Variants in ZNF484 observed in about 807,000 individuals in gnomAD.
The protein encoded by ZNF484 is KRAB box containing C2H2 type zinc finger bA526D8.4.
A neutral mutation model predicts 12.9 loss-of-function variants in ZNF484; 11 were observed. That is an observed-to-expected ratio of 0.85 (90% CI 0.54 to 1.41). The LOEUF (loss-of-function observed/expected upper bound fraction) is 1.41. Among genes scored for constraint, ZNF484 ranks in the 40% most tolerant of loss-of-function variants. The pLI is 0.00. For synonymous variants in ZNF484, 289 were observed against 334.1 expected, an observed-to-expected ratio of 0.86 and a Z score of 1.47; for missense variants, 807 against 1,007.7, an observed-to-expected ratio of 0.80 and a Z score of 2.70.
intron 2 of ZNF484, among the ~76,000 whole-genome samples, chr9:92,863,010 T>G (rs9696821): frequency 0.019 from 2,898 of 152,224 alleles, 83 homozygotes; most frequent in African/African-American, 0.063. Context: ...AGACATGGAA[T>G]CAACCCAAAT....
At chr9:92,860,117 T>C (rs912496681) in intron 2 of ZNF484, among the ~76,000 whole-genome samples, 3 of 152,158 alleles carry the variant, frequency 2.0e-5, no homozygotes, top group African/African-American at 7.2e-5. Flanking sequence ...TACCCCACTA[T>C]AAACCACATG....
At chr9:92,875,646 G>C (rs5003738) in intron 1 of ZNF484, among the ~76,000 whole-genome samples, 77,295 of 151,876 alleles carry the variant, frequency 0.51, 20,818 homozygotes, top group African/African-American at 0.7. Context: ...TATGACTACC[G>C]ATCATGCATC....
chr9:92,848,579 A>T lies in ZNF484; in HGVS notation c.236-28T>A. The T allele has an allele frequency of 6.5e-7, 1 of 1,534,134 alleles. No individual in the cohort carries two copies. The highest frequency in any genetic ancestry group is 1.4e-5 in the African/African-American group (1 of 71,956). On this transcript the variant is annotated intron_variant, in intron 4 of 4. Transcript: ENST00000375495. This position sits in a 1 kb window ranked among gnomAD's most constrained non-coding sequence, Gnocchi z 4.1. Reference sequence around the variant, plus strand: ...AAAAAAGAAAGAAAAGATAAGACTGACAAAAAGAACAATTAACAGAAAATA... The same window carrying T: ...AAAAAAGAAAGAAAAGATAAGACTGTCAAAAAGAACAATTAACAGAAAATA...
At chr9:92,857,278 C>G (rs1856523001) in intron 2 of ZNF484, among the ~76,000 whole-genome samples, 2 of 152,168 alleles carry the variant, frequency 1.3e-5, no homozygotes, top group Admixed American at 6.5e-5. Context: ...TATTCAGTCA[C>G]TCTGACAGTG....
intron 4 of ZNF484, among the ~76,000 whole-genome samples, chr9:92,849,550 CTGAGATGAGAGGATTGCT>C (rs1855932959): frequency 1.3e-5 from 2 of 152,098 alleles, no homozygotes. Flanking sequence ...CTGTGGGAGG[CTGAGATGAGAGGATTGCT>C]TGAGCCCAGG....
At chr9:92,876,113 CA>C (rs1285917680) in intron 1 of ZNF484, among the ~76,000 whole-genome samples, 3 of 151,816 alleles carry the variant, frequency 2.0e-5, no homozygotes, top group Non-Finnish European at 4.4e-5. Flanking sequence ...TATTGTTTAG[CA>C]ATAATTCTTG....
At chr9:92,853,962 G>C (rs1856270406) in intron 4 of ZNF484, among the ~76,000 whole-genome samples, 1 of 150,016 alleles carries the variant, frequency 6.7e-6, no homozygotes, top group Non-Finnish European at 1.5e-5. Context: ...GATGGGGCTA[G>C]AGTGAGCAAG....
chr9:92,863,660 A>G (rs1231059870), intron 2 of ZNF484, among the ~76,000 whole-genome samples: 1 of 152,188 alleles, frequency 6.6e-6, no homozygotes, highest in African/African-American at 2.4e-5. Flanking sequence ...CGTTTTGTAT[A>G]CTCTGAGATT....
At position 92,848,698 on chromosome 9, in the gene ZNF484, G is replaced by C. The variant is rs1043808888; in HGVS notation, c.236-147C>G. On this transcript the variant is annotated intron_variant, in intron 4 of 4. Transcript: ENST00000375495. The surrounding 1 kb of genome is among the most constrained non-coding windows in gnomAD (Gnocchi z 4.1). ...AGGCCAGGAGTTTGAGACCAGCCTG[G>C]CCAGCATAGCAAAACTCTGTCTCTG... is the stretch of plus-strand genomic sequence containing the variant. The C allele has an allele frequency of 1.1e-5, 7 of 635,270 alleles. No homozygotes were observed. In the South Asian group the frequency reaches 1.5e-4, roughly 14 times the overall value. 39.4% of individuals were successfully genotyped at this position (635,270 alleles called of 1,614,324 possible).
In ZNF484 at chr9:92,847,907, G is replaced by A. The variant is rs1038257775; in HGVS notation, c.880C>T (p.Leu294Phe). 1.9e-5 allele frequency: 31 copies of A among 1,614,196 alleles called. No homozygotes were observed. Among genetic ancestry groups the A allele is most frequent in the Non-Finnish European group, 2.5e-5 (29 of 1,180,044 alleles). The change falls in exon 5 of 5, where the codon CTT becomes TTT. Residue 294 changes from leucine (L) to phenylalanine (F), a missense_variant. Transcript: ENST00000375495. The part of the protein sequence containing the change: ...CEAVFTQKSQ[L>F]DGSQRVYAGI... ...GCATAAACCCTCTGACTGCCATCAAGCTGGGACTTCTGAGTGAAGACTGCC... is the reference window on the plus strand; with the variant it reads ...GCATAAACCCTCTGACTGCCATCAAACTGGGACTTCTGAGTGAAGACTGCC...
At chr9:92,867,424 G>C (rs1306207705) in intron 2 of ZNF484, among the ~76,000 whole-genome samples, 1 of 152,198 alleles carries the variant, frequency 6.6e-6, no homozygotes, top group Non-Finnish European at 1.5e-5. Flanking sequence ...GGAGGTTGTG[G>C]TGAGCTGAGA....
In ZNF484 at chr9:92,845,244, T is replaced by C. The variant is rs1026870031; in HGVS notation, c.*984A>G. On this transcript the variant is annotated 3_prime_UTR_variant, in exon 5 of 5. Coordinates refer to ENST00000375495, the MANE Select transcript of ZNF484 (RefSeq NM_031486.4). This position sits in a 1 kb window ranked among gnomAD's most constrained non-coding sequence, Gnocchi z 4.0. ...TAAAGGAGACAAATTCACAATTATTTGTAAAATTACAACACAGTTCTTTCA... is the reference window on the plus strand; with the variant it reads ...TAAAGGAGACAAATTCACAATTATTCGTAAAATTACAACACAGTTCTTTCA... The C allele has an allele frequency of 6.6e-6, 1 of 152,188 alleles. No homozygotes were observed. The highest frequency in any genetic ancestry group is 1.5e-5 in the Non-Finnish European group (1 of 68,026). The allele number at this position is 152,188 out of a possible 1,614,324, so 9.4% of individuals were successfully genotyped here. A position where few individuals can be genotyped will look rare whatever the true frequency, so the allele number is the denominator to read the frequency against.
intron 2 of ZNF484, among the ~76,000 whole-genome samples, chr9:92,868,697 C>T (rs758170145): frequency 1.3e-5 from 2 of 151,852 alleles, no homozygotes; most frequent in Admixed American, 1.3e-4. Context: ...AAAGAGAGAG[C>T]GAATGGGAGG....
chr9:92,850,194 A>G (rs1855982872), intron 4 of ZNF484, among the ~76,000 whole-genome samples: 1 of 152,228 alleles, frequency 6.6e-6, no homozygotes, highest in Non-Finnish European at 1.5e-5. Flanking sequence ...AGATGAGGAA[A>G]CTGAGCCACA....
At chr9:92,854,353 T>A (rs902703694) in intron 4 of ZNF484, among the ~76,000 whole-genome samples, 4 of 152,180 alleles carry the variant, frequency 2.6e-5, no homozygotes. Flanking sequence ...GAAAATAATG[T>A]GCTTATACCT....
At chr9:92,864,294 G>C (rs1220746332) in intron 2 of ZNF484, among the ~76,000 whole-genome samples, 1 of 152,064 alleles carries the variant, frequency 6.6e-6, no homozygotes, top group Non-Finnish European at 1.5e-5. Context: ...GTTTTTAAAG[G>C]AGAAGGTGTG....
rs201368093 is a variant in ZNF484, at chr9:92,869,448, G to A, written c.15+5567C>T. Among the ~76,000 whole-genome samples the A allele has an allele frequency of 5.3e-5, 8 of 152,166 alleles. No homozygotes were observed. In the East Asian group the frequency reaches 9.6e-4, roughly 18 times the overall value. ...ATGATATACCCATATTAGGCTGGGCGCAGTGGCTCACGCCTATAATTCCAG... is the reference window on the plus strand; with the variant it reads ...ATGATATACCCATATTAGGCTGGGCACAGTGGCTCACGCCTATAATTCCAG... On this transcript the variant is annotated intron_variant, in intron 2 of 4. Coordinates refer to ENST00000375495, the MANE Select transcript of ZNF484 (RefSeq NM_031486.4).
rs1855621879 is a variant in ZNF484 at position 92,846,621 on chromosome 9, A to G, written c.2166T>C (p.Cys722=). The G allele has an allele frequency of 6.2e-7, 1 of 1,613,440 alleles. No individual in the cohort carries two copies. The highest frequency in any genetic ancestry group is 2.2e-5 in the East Asian group (1 of 44,832). The change falls in exon 5 of 5, where the codon TGT becomes TGC. Residue 722 remains cysteine (C), a synonymous_variant. Coordinates refer to ENST00000375495, the MANE Select transcript of ZNF484 (RefSeq NM_031486.4). ...RIHTGEKPYI[C]NECGKSFIQK... ...GGATGAAGGATTTCCCACATTCATTACAAATATAGGGTTTCTCTCCTGTAT... is the reference window on the plus strand; with the variant it reads ...GGATGAAGGATTTCCCACATTCATTGCAAATATAGGGTTTCTCTCCTGTAT...
Position 92,848,614 on chromosome 9 carries a change from G to A in ZNF484, c.236-63C>T. 1 of 1,444,746 alleles carries A rather than the reference G, an allele frequency of 6.9e-7. No homozygotes were observed. Among genetic ancestry groups the A allele is most frequent in the African/African-American group, 1.4e-5 (1 of 69,962 alleles). The allele number at this position is 1,444,746 out of a possible 1,614,324, so 89.5% of individuals were successfully genotyped here. A position where few individuals can be genotyped will look rare whatever the true frequency, so the allele number is the denominator to read the frequency against. On this transcript the variant is annotated intron_variant, in intron 4 of 4. Transcript: ENST00000375495. This position sits in a 1 kb window ranked among gnomAD's most constrained non-coding sequence, Gnocchi z 4.1. ...CAATTAACAGAAAATAAGGCCAGGT[G>A]CGGTGGCTCATGCCTGTAATCCTAG...
Sources: allele counts gnomAD v4.1 joint callset (sites outside exome capture counted in the v4.1 genomes callset), GRCh38; gene constraint gnomAD v4.1.1; non-coding constraint Gnocchi (gnomAD v3.1); transcripts MANE v1.5; gene names NCBI Gene and HGNC (gene_info 2026-07-23, HGNC 2026-07-21).